VPS13D: variants seen among roughly 807,000 people sequenced by gnomAD.
VPS13D encodes the protein vacuolar protein sorting 13 homolog D.
VPS13D carries 187 observed loss-of-function variants against 461.9 expected under a neutral mutation model. That is an observed-to-expected ratio of 0.40 (90% confidence interval 0.36 to 0.46). VPS13D has a LOEUF of 0.46. VPS13D is among the 20% of genes least tolerant of loss of function. The pLI, the probability that VPS13D is intolerant of heterozygous loss-of-function variation, is 0.60. For synonymous variants in VPS13D, 1,951 were observed against 1,986.3 expected (o/e 0.98, Z 0.47); for missense variants, 4,711 against 5,364.9 (o/e 0.88, Z 3.81).
intron 30 of VPS13D, among the ~76,000 whole-genome samples, chr1:12,317,529 A>G (rs1027093889): frequency 1.3e-5 from 2 of 151,710 alleles, no homozygotes; most frequent in Non-Finnish European, 2.9e-5. Flanking sequence ...CTCTACCTAT[A>G]CTAGATAGCA....
chr1:12,507,143 G>A lies in VPS13D; in HGVS notation c.13035+50G>A, dbSNP rs12032560. The A allele has an allele frequency of 2.5e-6, 4 of 1,611,020 alleles. No homozygotes were observed. Among genetic ancestry groups the A allele is most frequent in the Admixed American group, 3.3e-5 (2 of 59,876 alleles). ...TCCTGAGGGGCGGGGCCAGGGCCTC[G>A]ATGCCTCTGCCCTGCTTCCCCGTCC... On this transcript the variant is annotated intron_variant, in intron 69 of 69. Transcript: ENST00000620676. This position sits in a 1 kb window ranked among gnomAD's most constrained non-coding sequence, Gnocchi z 5.3.
In VPS13D at chr1:12,400,258, C is replaced by T. The variant is rs202027166; in HGVS notation, c.11712C>T (p.Ile3904=). Residue 3904 remains isoleucine, a synonymous_variant, in exon 61 of 70, where the codon ATC becomes ATT. Transcript: ENST00000620676. Reference sequence around the variant, plus strand: ...CCCTGAGCAATGAGAATGAGGTCATCGAGACCGGCCCAGCTGTGCAAGTCA... The same window carrying T: ...CCCTGAGCAATGAGAATGAGGTCATTGAGACCGGCCCAGCTGTGCAAGTCA... ...VTPLSNENEV[I]ETGPAVQVNA... 1.7e-5 allele frequency: 27 copies of T among 1,614,156 alleles called. No homozygotes were observed. The highest frequency in any genetic ancestry group is 1.6e-4 in the Middle Eastern group (1 of 6,062).
chr1:12,478,898 T>C (rs1339019087), intron 67 of VPS13D: 2 of 455,418 alleles, frequency 4.4e-6, no homozygotes, highest in East Asian at 7.0e-5. Flanking sequence ...GGCCGTGGAG[T>C]GCTCTTGTCA....
intron 67 of VPS13D, among the ~76,000 whole-genome samples, chr1:12,488,096 G>A (rs1336502617): frequency 6.6e-6 from 1 of 152,210 alleles, no homozygotes; most frequent in African/African-American, 2.4e-5. Context: ...CACATGGGGT[G>A]TGCTCCTCAG....
chr1:12,368,545 A>G lies in VPS13D; in HGVS notation c.10526A>G (p.Asp3509Gly). 6.2e-7 allele frequency: 1 copy of G among 1,613,834 alleles called. No individual in the cohort carries two copies. The highest frequency in any genetic ancestry group is 1.1e-5 in the South Asian group (1 of 91,002). ...GCTACGTATAGGATCTCATTTAGTGACACAGATCAGTTACCTCCTCCTTTC... is the reference window on the plus strand; with the variant it reads ...GCTACGTATAGGATCTCATTTAGTGGCACAGATCAGTTACCTCCTCCTTTC... ...RGATYRISFS[D>G]TDQLPPPFRI... is the part of the protein sequence containing the mutation. Residue 3509 changes from aspartate to glycine, a missense_variant, in exon 53 of 70, where the codon GAC becomes GGC. Asp to Gly is a moderately conservative substitution (Grantham distance 94, BLOSUM62 -1). Coordinates refer to ENST00000620676, the MANE Select transcript of VPS13D (RefSeq NM_015378.4).
chr1:12,420,736 A>G (rs1644852755), intron 65 of VPS13D, among the ~76,000 whole-genome samples: 2 of 152,110 alleles, frequency 1.3e-5, no homozygotes, highest in African/African-American at 4.8e-5. Flanking sequence ...TTGTATTTCT[A>G]CCTTTAAATA....
chr1:12,488,669 C>CAAAAA (rs79424685), intron 67 of VPS13D, among the ~76,000 whole-genome samples: 3 of 82,810 alleles, frequency 3.6e-5, no homozygotes, highest in Non-Finnish European at 5.1e-5. Context: ...TCATTTGAAC[C>CAAAAA]AAAAAAAAAA....
At chr1:12,467,828 T>G (rs1453668304) in intron 67 of VPS13D, among the ~76,000 whole-genome samples, 1 of 152,192 alleles carries the variant, frequency 6.6e-6, no homozygotes, top group Non-Finnish European at 1.5e-5. Flanking sequence ...TTATAATCAT[T>G]TCTAGAAAGG....
intron 16 of VPS13D, among the ~76,000 whole-genome samples, chr1:12,270,608 A>G (rs770274613): frequency 2.6e-5 from 4 of 151,718 alleles, no homozygotes; most frequent in Admixed American, 6.5e-5. Context: ...CACTTCTCTC[A>G]CTTGCCTCCT....
At position 12,293,717 on chromosome 1, in the gene VPS13D, G is replaced by A. The variant is rs377168902; in HGVS notation, c.6033+13G>A. ...TGAGGGGCAGACGGTAGGTAGCCTGGGCCCTCCAAGCTGCTTTTCCAGTTT... is the reference window on the plus strand; with the variant it reads ...TGAGGGGCAGACGGTAGGTAGCCTGAGCCCTCCAAGCTGCTTTTCCAGTTT... On this transcript the variant is annotated intron_variant, in intron 24 of 69. Coordinates refer to ENST00000620676, the MANE Select transcript of VPS13D (RefSeq NM_015378.4). 3 of 1,609,404 alleles carry A rather than the reference G, an allele frequency of 1.9e-6. No individual in the cohort carries two copies. The highest frequency in any genetic ancestry group is 2.5e-6 in the Non-Finnish European group (3 of 1,178,314).
intron 16 of VPS13D, 86 bp from the exon 17 acceptor site, chr1:12,270,908 A>G: frequency 6.6e-7 from 1 of 1,512,972 alleles, no homozygotes; most frequent in Non-Finnish European, 9.0e-7. Flanking sequence ...GCTTTGATGG[A>G]CATTCTTGGT....
In VPS13D at chr1:12,277,850, G is replaced by C. The variant is rs184947059; in HGVS notation, c.4262G>C (p.Arg1421Pro). The change falls in exon 19 of 70, where the codon CGT (arginine) becomes CCT (proline). Residue 1421 changes from arginine (R) to proline (P), a missense_variant. Arg to Pro is a moderately radical substitution (Grantham distance 103, BLOSUM62 -2). Around this residue, in one of 3 missense-constraint regions of VPS13D, gnomAD observed 4,411 missense variants for 4,937.8 expected, o/e 0.89. Transcript: ENST00000620676. ...VAGDDESRSD[R>P]LQVEIKDIKL... ...GGAGATGATGAATCCAGAAGTGACC[G>C]TCTGCAGGTGGAAATCAAGGACATT... 3.1e-6 allele frequency: 5 copies of C among 1,613,986 alleles called. No homozygotes were observed. In the African/African-American group the frequency reaches 6.7e-5, roughly 22 times the overall value.
rs746763466 is a variant in VPS13D, at chr1:12,242,499, G to C, written c.98-14G>C. 69 of 1,611,400 alleles carry C rather than the reference G, an allele frequency of 4.3e-5. No individual in the cohort carries two copies. Among genetic ancestry groups the C allele is most frequent in the Non-Finnish European group, 5.8e-5 (68 of 1,177,684 alleles). ...TGTTAAATGGATATTTCATGATGCT[G>C]TTTTTATTTTTAGGTGCTGTTGAAT... is the stretch of plus-strand genomic sequence containing the variant. On this transcript the variant is annotated splice_polypyrimidine_tract_variant and intron_variant, in intron 2 of 69. Coordinates refer to ENST00000620676, the MANE Select transcript of VPS13D (RefSeq NM_015378.4).
chr1:12,263,032 G>C (rs989438602), intron 13 of VPS13D, among the ~76,000 whole-genome samples: 4 of 151,996 alleles, frequency 2.6e-5, no homozygotes, highest in Non-Finnish European at 5.9e-5. Flanking sequence ...CTTATGGTGG[G>C]TTTATCATAA....
chr1:12,315,460 T>C (rs1376108428), intron 30 of VPS13D, among the ~76,000 whole-genome samples: 1 of 152,222 alleles, frequency 6.6e-6, no homozygotes, highest in East Asian at 1.9e-4. Context: ...GAATCCTAAT[T>C]GCCTCTTATT....
At chr1:12,381,980 T>TTCTTTCTTTCTTTCTTTCTC (rs1318974573) in intron 57 of VPS13D, among the ~76,000 whole-genome samples, 5 of 131,260 alleles carry the variant, frequency 3.8e-5, no homozygotes, top group Non-Finnish European at 6.4e-5. Context: ...CTTTCTTTCT[T>TTCTTTCTTTCTTTCTTTCTC]TCTCTCTCTC....
At chr1:12,256,082 C>A (rs866256621) in intron 7 of VPS13D, among the ~76,000 whole-genome samples, 5 of 152,100 alleles carry the variant, frequency 3.3e-5, no homozygotes, top group African/African-American at 1.2e-4. Flanking sequence ...TGCCTGTAAT[C>A]TCAGCACTTT....
intron 16 of VPS13D, 65 bp from the exon 17 acceptor site, chr1:12,270,929 G>A (rs1641421647): frequency 4.4e-6 from 7 of 1,574,746 alleles, no homozygotes; most frequent in Non-Finnish European, 6.1e-6. Flanking sequence ...GAGAATTGAT[G>A]TAGCACTTTT....
At chr1:12,481,819 G>C (rs1426337218) in intron 67 of VPS13D, among the ~76,000 whole-genome samples, 2 of 152,202 alleles carry the variant, frequency 1.3e-5, no homozygotes, top group African/African-American at 4.8e-5. Context: ...ACCAGTTCCA[G>C]ATGTTCTCTC....
Sources: gnomAD v4.1 joint callset for allele counts (sites outside exome capture counted in the v4.1 genomes callset) on GRCh38, gnomAD v4.1.1 for gene constraint, gnomAD v4.1.1 regional missense constraint, Gnocchi (gnomAD v3.1) non-coding constraint, MANE v1.5 for transcripts, NCBI Gene and HGNC (gene_info 2026-07-23, HGNC 2026-07-21) for gene names.